The following S100A7 variants were observed in gnomAD, a reference collection of about 807,000 sequenced individuals.
S100A7 encodes the protein S100 calcium binding protein A7.
In S100A7, 2 loss-of-function variants were observed where a neutral mutation model predicts 3.8. The ratio of observed to expected loss-of-function variants is 0.53; its 90% CI spans 0.22 to 1.67. S100A7 has a LOEUF of 1.67. Among genes scored for constraint, S100A7 ranks in the 40% most tolerant of loss-of-function variants. The pLI, the probability that S100A7 is intolerant of heterozygous loss-of-function variation, is 0.20. For synonymous variants in S100A7, 55 were observed against 45.9 expected (o/e 1.20, Z -0.80); for missense variants, 130 against 126.3 (o/e 1.03, Z -0.14).
intron 1 of S100A7, among the ~76,000 whole-genome samples, chr1:153,459,610 C>A (rs1490472242): frequency 1.3e-5 from 2 of 152,174 alleles, no homozygotes; most frequent in African/African-American, 4.8e-5. Context: ...AAACACAGTC[C>A]TGTCCCGAGC....
At chr1:153,460,562 G>C in intron 1 of S100A7, 46 bp downstream of exon 1, 1 of 754,154 alleles carries the variant, frequency 1.3e-6, no homozygotes, top group Non-Finnish European at 2.4e-6. Context: ...TGGCAGGCCA[G>C]GCACTGGGCA....
In S100A7 at chr1:153,458,913, G is replaced by A. The variant is rs368047170; in HGVS notation, c.101C>T (p.Thr34Met). Reference sequence around the variant, plus strand: ...GTTGGGGAAGTTCTCCTTCATCATCGTCAGCAGGCTTGGCTTCTCAATCTT... The same window carrying A: ...GTTGGGGAAGTTCTCCTTCATCATCATCAGCAGGCTTGGCTTCTCAATCTT... The part of the protein sequence containing the change: ...DDKIEKPSLL[T>M]MMKENFPNFL... The change falls in exon 2 of 3, where the codon ACG (threonine) becomes ATG (methionine). Residue 34 changes from threonine (T) to methionine (M), a missense_variant. Transcript: ENST00000368723. 44 of 1,613,836 alleles carry A rather than the reference G, an allele frequency of 2.7e-5. No individual in the cohort carries two copies. The highest frequency in any genetic ancestry group is 8.0e-5 in the African/African-American group (6 of 74,906).
chr1:153,460,561 A>G (rs947737515), intron 1 of S100A7, 47 bp downstream of exon 1: 34 of 753,794 alleles, frequency 4.5e-5, no homozygotes, highest in East Asian at 1.6e-4. Context: ...ATGGCAGGCC[A>G]GGCACTGGGC....
At position 153,460,586 on chromosome 1, in the gene S100A7, CAA is replaced by C. The variant is rs1441743281; in HGVS notation, c.-18+20_-18+21del. 3.5e-5 allele frequency: 33 copies of C among 932,200 alleles called. No homozygotes were observed. The highest frequency in any genetic ancestry group is 5.6e-5 in the Non-Finnish European group (33 of 585,146). The allele number at this position is 932,200 out of a possible 1,614,324, so 57.7% of individuals were successfully genotyped here. On this transcript the variant is annotated intron_variant, in intron 1 of 2. Coordinates refer to ENST00000368723, the MANE Select transcript of S100A7 (RefSeq NM_002963.4). The stretch of plus-strand genomic sequence containing the variant: ...AGGCACTGGGCACTTCTAGAAAACG[CAA>C]AGAGGCAGGTGAGACTTACCAGAGC...
intron 2 of S100A7, 76 bp downstream of exon 2, chr1:153,458,797 G>A (rs1396767026): frequency 2.6e-6 from 4 of 1,516,784 alleles, no homozygotes; most frequent in Admixed American, 2.1e-5. Flanking sequence ...TTTTTAATCA[G>A]AGGGTGAGGG....
At chr1:153,458,329 C>T (rs955429196) in intron 2 of S100A7, among the ~76,000 whole-genome samples, 8 of 152,154 alleles carry the variant, frequency 5.3e-5, no homozygotes, top group Non-Finnish European at 1.2e-4. Flanking sequence ...AATTGGCCCT[C>T]ATGCTTTTGT....
rs553556582 is a variant in S100A7, at chr1:153,457,793, T to C, written c.*13A>G. 4 of 1,613,062 alleles carry C rather than the reference T, an allele frequency of 2.5e-6. No individual in the cohort carries two copies. The highest frequency in any genetic ancestry group is 3.4e-6 in the Non-Finnish European group (4 of 1,179,508). ...GTTCCTGGGGTCTCTGGAGGCCCAT[T>C]GGTGGGGCTGGGTCACTGGCTGCCC... On this transcript the variant is annotated 3_prime_UTR_variant, in exon 3 of 3. Transcript: ENST00000368723.
Position 153,459,094 on chromosome 1 carries a change from G to C in S100A7, c.-17-64C>G, listed in dbSNP as rs984115393. On this transcript the variant is annotated intron_variant, in intron 1 of 2. Transcript: ENST00000368723. ...TAAGTTAGGGTCTCTATTTGGGAGT[G>C]CTGGAAGGAGGGCTGAGGACAGAGT... The C allele has an allele frequency of 3.8e-6, 6 of 1,563,686 alleles. No individual in the cohort carries two copies. In the African/African-American group the frequency reaches 8.2e-5, roughly 21 times the overall value.
intron 2 of S100A7, among the ~76,000 whole-genome samples, chr1:153,458,568 G>C (rs1400223000): frequency 6.6e-6 from 1 of 152,088 alleles, no homozygotes; most frequent in Non-Finnish European, 1.5e-5. Context: ...GGGGCCTTTG[G>C]GAAACAGGAC....
At chr1:153,458,375 CT>C (rs1160172914) in intron 2 of S100A7, among the ~76,000 whole-genome samples, 1 of 152,196 alleles carries the variant, frequency 6.6e-6, no homozygotes, top group Non-Finnish European at 1.5e-5. Context: ...CTTTCTTCTC[CT>C]TTTCCACCAA....
chr1:153,458,010 A>G, intron 2 of S100A7, 40 bp from the exon 3 acceptor site: 1 of 1,605,916 alleles, frequency 6.2e-7, no homozygotes, highest in Non-Finnish European at 8.5e-7. Context: ...AAATTCAATC[A>G]CAAACAAGTT....
chr1:153,460,018 G>A lies in S100A7; in HGVS notation c.-18+590C>T, dbSNP rs1294075836. ...AAGCTCCATGCCGGCAACTGACTAA[G>A]AGGAGCCACCCAGAGCTTTTTTGAA... On this transcript the variant is annotated intron_variant, in intron 1 of 2. Transcript: ENST00000368723. 2.0e-5 allele frequency: 3 copies of A among 152,734 alleles called. No individual in the cohort carries two copies. The East Asian group carries it at 5.8e-4, about 29-fold the overall frequency. The allele number at this position is 152,734 out of a possible 1,614,324, so 9.5% of individuals were successfully genotyped here.
At chr1:153,459,908 C>T (rs1557869788) in intron 1 of S100A7, 1 of 152,338 alleles carries the variant, frequency 6.6e-6, no homozygotes, top group Non-Finnish European at 1.5e-5. Flanking sequence ...TCACTTCCCA[C>T]ACTTTCCAAA....
chr1:153,458,628 G>C (rs1183897403), intron 2 of S100A7, among the ~76,000 whole-genome samples: 1 of 152,170 alleles, frequency 6.6e-6, no homozygotes, highest in East Asian at 1.9e-4. Flanking sequence ...TGAGTGCTGG[G>C]AGGGGACTGT....
chr1:153,458,613 G>A (rs1425826037), intron 2 of S100A7, among the ~76,000 whole-genome samples: 2 of 152,152 alleles, frequency 1.3e-5, no homozygotes, highest in Non-Finnish European at 1.5e-5. Flanking sequence ...CAGAGAGAGG[G>A]TCAGTGAGTG....
rs1400846880 is a variant in S100A7 at position 153,457,854 on chromosome 1, G to A, written c.258C>T (p.Tyr86=). The A allele has an allele frequency of 6.2e-7, 1 of 1,614,056 alleles. No homozygotes were observed. The highest frequency in any genetic ancestry group is 8.5e-7 in the Non-Finnish European group (1 of 1,180,032). Residue 86 remains tyrosine (Y), a synonymous_variant, in exon 3 of 3, where the codon TAC becomes TAT. Coordinates refer to ENST00000368723, the MANE Select transcript of S100A7 (RefSeq NM_002963.4). ...GCGCTGCTCCATGGCTCTGCTTGTG[G>A]TAGTCTGTGGCTATGTCTCCCAGCA... ...LSLLGDIATD[Y]HKQSHGAAPC... is the part of the protein sequence containing the mutation.
At chr1:153,459,456 T>C (rs1663769633) in intron 1 of S100A7, among the ~76,000 whole-genome samples, 2 of 152,212 alleles carry the variant, frequency 1.3e-5, no homozygotes, top group Non-Finnish European at 2.9e-5. Flanking sequence ...GACAATGGCC[T>C]TGGTGATCTG....
At chr1:153,458,266 C>G (rs1663736162) in intron 2 of S100A7, among the ~76,000 whole-genome samples, 1 of 152,128 alleles carries the variant, frequency 6.6e-6, no homozygotes, top group South Asian at 2.1e-4. Context: ...TCACTCTTTC[C>G]CGTCCCAGCC....
At chr1:153,458,626 G>C (rs992420741) in intron 2 of S100A7, among the ~76,000 whole-genome samples, 1 of 152,142 alleles carries the variant, frequency 6.6e-6, no homozygotes, top group African/African-American at 2.4e-5. Flanking sequence ...AGTGAGTGCT[G>C]GGAGGGGACT....
Sources: allele counts gnomAD v4.1 joint callset (sites outside exome capture counted in the v4.1 genomes callset), GRCh38; gene constraint gnomAD v4.1.1; transcripts MANE v1.5; gene names NCBI Gene and HGNC (gene_info 2026-07-23, HGNC 2026-07-21).